The following VSIG1 variants were observed in gnomAD, a reference collection of about 807,000 sequenced individuals.
The protein encoded by VSIG1 is V-set and immunoglobulin domain containing 1.
In VSIG1, 11 loss-of-function variants were observed where a neutral mutation model predicts 20.1. That is an observed-to-expected ratio of 0.55 (90% confidence interval 0.34 to 0.91). The LOEUF (loss-of-function observed/expected upper bound fraction) is 0.91. Ranked by LOEUF, VSIG1 falls within the 40% of genes least tolerant of loss-of-function variation. The probability of loss-of-function intolerance (pLI) is 0.02; values close to 1 mark genes in which losing one functional copy is unlikely to be tolerated. For synonymous variants in VSIG1, 126 were observed against 116.7 expected (o/e 1.08, Z -0.52); for missense variants, 283 against 298.8 (o/e 0.95, Z 0.39).
chrX:108,035,700 G>A, the VSIG1 span, among the ~76,000 whole-genome samples: 2 of 110,841 alleles, frequency 1.8e-5, no homozygotes, highest in East Asian at 5.7e-4. Flanking sequence ...GCATAATGCA[G>A]CTATTCATAA....
intron 1 of VSIG1, among the ~76,000 whole-genome samples, chrX:108,047,984 A>G (rs1377537615): frequency 1.4e-5 from 1 of 72,613 alleles, no homozygotes; most frequent in African/African-American, 5.7e-5. Flanking sequence ...ATATATATAT[A>G]TATATATATA....
chrX:108,077,204 C>G lies in VSIG1; in HGVS notation c.987C>G (p.Ala329=). The G allele has an allele frequency of 8.3e-7, 1 of 1,211,956 alleles. No homozygotes were observed. The highest frequency in any genetic ancestry group is 1.1e-6 in the Non-Finnish European group (1 of 895,563). Residue 329 remains alanine, a synonymous_variant, in exon 7 of 7, where the codon GCC becomes GCG. Coordinates refer to ENST00000217957, the MANE Select transcript of VSIG1 (RefSeq NM_182607.5). ...DYEPKPTQEP[A]PEPAPGSEPM... ...AGCCAAAGCCTACTCAGGAGCCTGC[C>G]CCAGAGCCTGCCCCAGGATCAGAGC...
chrX:108,019,156 G>A, the VSIG1 span, among the ~76,000 whole-genome samples: 3 of 112,016 alleles, frequency 2.7e-5, no homozygotes, highest in Non-Finnish European at 5.6e-5. Context: ...ATTGGCAGGA[G>A]CTGTGATGGG....
Position 108,047,764 on chromosome X carries a change from T to TTCTC in VSIG1, c.49+2609_49+2612dup, listed in dbSNP as rs1178957774. On this transcript the variant is annotated intron_variant, in intron 1 of 6. Transcript: ENST00000217957. ...ACAATCACCACCAAAATACAAGACATTCTCTCTCTCTCTCTCTCTCTCTCT... is the reference window on the plus strand; with the variant it reads ...ACAATCACCACCAAAATACAAGACATTCTCTCTCTCTCTCTCTCTCTCTCTCTCT... Among the ~76,000 whole-genome samples, 336 of 61,221 alleles carry TTCTC rather than the reference T, an allele frequency of 5.5e-3. 3 individuals are homozygous for TTCTC. The highest frequency in any genetic ancestry group is 9.6e-3 in the South Asian group (11 of 1,146). The allele number at this position is 61,221 out of a possible 115,157, so 53.2% of individuals were successfully genotyped here.
rs1249411640 is a variant in VSIG1 at position 108,047,871 on chromosome X, CACAT to C, written c.49+2694_49+2697del. On this transcript the variant is annotated intron_variant, in intron 1 of 6. Transcript: ENST00000217957. ...ATATATATATACACATATATATATA[CACAT>C]ATATATATATACACACATATATATA... Among the ~76,000 whole-genome samples the C allele has an allele frequency of 4.1e-3, 117 of 28,764 alleles. 8 individuals are homozygous for C. Among genetic ancestry groups the C allele is most frequent in the African/African-American group, 0.024 (111 of 4,610 alleles). The allele number at this position is 28,764 out of a possible 115,157, so 25.0% of individuals were successfully genotyped here. A position where few individuals can be genotyped will look rare whatever the true frequency, so the allele number is the denominator to read the frequency against.
At chrX:108,023,913 G>T in the VSIG1 span, among the ~76,000 whole-genome samples, 1 of 111,693 alleles carries the variant, frequency 9.0e-6, no homozygotes, top group Non-Finnish European at 1.9e-5. Flanking sequence ...ACATAGGAAC[G>T]CTTCCTAGTT....
intron 2 of VSIG1, among the ~76,000 whole-genome samples, chrX:108,065,146 T>A (rs2031103068): frequency 8.9e-6 from 1 of 112,323 alleles, no homozygotes; most frequent in African/African-American, 3.2e-5. Flanking sequence ...TCCCTCAAAA[T>A]CCAGCTTTCT....
At chrX:108,073,765 T>C (rs807161) in intron 5 of VSIG1, 5,912 of 118,251 alleles carry the variant, frequency 0.05, 413 homozygotes, top group African/African-American at 0.18. Context: ...ATAATAGTAT[T>C]ATAATAATAA....
chrX:108,038,802 G>A, the VSIG1 span, among the ~76,000 whole-genome samples: 1 of 112,093 alleles, frequency 8.9e-6, no homozygotes, highest in Non-Finnish European at 1.9e-5. Context: ...AGGTGGTGGT[G>A]TGGGTAAGAC....
At position 108,072,797 on chromosome X, in the gene VSIG1, A is replaced by G; in HGVS notation, c.533A>G (p.Glu178Gly). Residue 178 changes from glutamate to glycine, a missense_variant, in exon 4 of 7, where the codon GAG (glutamate) becomes GGG (glycine). By Grantham distance (98) the Glu-to-Gly change is moderately conservative. Transcript: ENST00000217957. ...PSPVYYWHKL[E>G]GRDIVPVKEN... is the part of the protein sequence containing the mutation. The stretch of plus-strand genomic sequence containing the variant: ...CCTGTGTACTACTGGCATAAACTTG[A>G]GGGAAGAGACATCGTGCCAGTGAAA... The G allele has an allele frequency of 8.3e-7, 1 of 1,210,940 alleles. No homozygotes were observed. Among genetic ancestry groups the G allele is most frequent in the Non-Finnish European group, 1.1e-6 (1 of 895,208 alleles).
At chrX:108,053,510 G>C (rs1164737640) in intron 1 of VSIG1, among the ~76,000 whole-genome samples, 1 of 111,237 alleles carries the variant, frequency 9.0e-6, no homozygotes, top group Non-Finnish European at 1.9e-5. Context: ...AATAAGTCAA[G>C]ATGGAATCAT....
At chrX:108,067,283 C>T (rs1184200916) in intron 3 of VSIG1, 149 bp downstream of exon 3, 14 of 585,140 alleles carry the variant, frequency 2.4e-5, no homozygotes, top group Non-Finnish European at 3.7e-5. Flanking sequence ...GACAAGCCAC[C>T]AGCCCAACCA....
At chrX:108,061,657 A>G (rs1319365438) in intron 2 of VSIG1, 7 of 536,698 alleles carry the variant, frequency 1.3e-5, no homozygotes, top group Non-Finnish European at 2.2e-5. Context: ...GATCAGCACA[A>G]GCCCCTGACA....
At chrX:108,065,524 C>A (rs1227597891) in intron 2 of VSIG1, among the ~76,000 whole-genome samples, 1 of 111,654 alleles carries the variant, frequency 9.0e-6, no homozygotes, top group East Asian at 2.8e-4. Flanking sequence ...AAAACATGTA[C>A]ATAGAAGGTG....
chrX:108,062,156 A>G (rs2031040964), intron 2 of VSIG1, among the ~76,000 whole-genome samples: 2 of 111,154 alleles, frequency 1.8e-5, no homozygotes, highest in Non-Finnish European at 3.8e-5. Context: ...TGCTAACACT[A>G]CAGAGACCCC....
rs371274224 is a variant in VSIG1 at position 108,077,291 on chromosome X, G to GGAGCCA, written c.1096_1101dup (p.Pro366_Glu367dup). The GGAGCCA allele has an allele frequency of 5.0e-4, 608 of 1,210,376 alleles. No homozygotes were observed. The African/African-American group carries it at 6.8e-3, about 14-fold the overall frequency. On this transcript the variant is annotated inframe_insertion, in exon 7 of 7. Coordinates refer to ENST00000217957, the MANE Select transcript of VSIG1 (RefSeq NM_182607.5). ...TGGAGCCAGAAACGCAGTCGGAATT[G>GGAGCCA]GAGCCAGAGCCAGAGCCAGAGCCAG...
At chrX:108,030,283 A>G in the VSIG1 span, among the ~76,000 whole-genome samples, 1 of 112,194 alleles carries the variant, frequency 8.9e-6, no homozygotes, top group Non-Finnish European at 1.9e-5. Context: ...CCAAAAGACA[A>G]AAGGAAAATA....
intron 2 of VSIG1, among the ~76,000 whole-genome samples, chrX:108,060,032 C>T (rs1003358270): frequency 3.6e-5 from 4 of 111,329 alleles, no homozygotes; most frequent in Non-Finnish European, 5.7e-5. Flanking sequence ...GCTGCAGAGC[C>T]GAAGGATCCT....
At chrX:108,026,634 G>A in the VSIG1 span, among the ~76,000 whole-genome samples, 1 of 111,106 alleles carries the variant, frequency 9.0e-6, no homozygotes, top group Admixed American at 9.6e-5. Flanking sequence ...AAATTCAGCT[G>A]GTTATGCTAA....
Sources: gnomAD v4.1 joint callset for allele counts (sites outside exome capture counted in the v4.1 genomes callset) on GRCh38, gnomAD v4.1.1 for gene constraint, MANE v1.5 for transcripts, NCBI Gene and HGNC (gene_info 2026-07-23, HGNC 2026-07-21) for gene names.